The following WDFY3 variants were observed in gnomAD, a reference collection of about 807,000 sequenced individuals.
WDFY3 encodes the protein WD repeat and FYVE domain-containing protein 3.
A neutral mutation model predicts 409.6 loss-of-function variants in WDFY3; 66 were observed. That is an observed-to-expected ratio of 0.16 (90% CI 0.13 to 0.20). WDFY3 has a LOEUF of 0.20. WDFY3 is among the 10% of genes least tolerant of loss of function. WDFY3 has a pLI of 1.00. For missense variants in WDFY3, 3,031 were observed against 4,298.1 expected, an observed-to-expected ratio of 0.71 and a Z score of 8.24; for synonymous variants, 1,521 against 1,537.1, an observed-to-expected ratio of 0.99 and a Z score of 0.25.
At chr4:84,866,057 T>A (rs1307701573) in intron 3 of WDFY3, among the ~76,000 whole-genome samples, 2 of 152,020 alleles carry the variant, frequency 1.3e-5, no homozygotes, top group South Asian at 2.1e-4. Context: ...GGTTACAGAG[T>A]GAGACCCTGT....
At chr4:84,824,874 A>G (rs1754623969) in intron 10 of WDFY3, among the ~76,000 whole-genome samples, 2 of 152,162 alleles carry the variant, frequency 1.3e-5, no homozygotes, top group Admixed American at 1.3e-4. Context: ...GAAAATTTTG[A>G]GTTATACAGG....
At position 84,704,390 on chromosome 4, in the gene WDFY3, G is replaced by A; in HGVS notation, c.8390C>T (p.Ala2797Val). ...AGGCTCCATCCTTACAAGGTATGAG[G>A]CCACAATCATTGCAGATGAATAGTG... ...GTHYSSAMIVASYLVRMEPFT... is the reference protein window; with the variant it reads ...GTHYSSAMIVVSYLVRMEPFT... Residue 2797 changes from alanine to valine, a missense_variant, in exon 55 of 68, where the codon GCC becomes GTC. Around this residue, in one of 16 missense-constraint regions of WDFY3, gnomAD observed 129 missense variants for 305.3 expected, o/e 0.42. Transcript: ENST00000295888. 6.2e-7 allele frequency: 1 copy of A among 1,613,262 alleles called. No individual in the cohort carries two copies. The highest frequency in any genetic ancestry group is 8.5e-7 in the Non-Finnish European group (1 of 1,179,592).
In WDFY3 at chr4:84,808,322, T is replaced by C. The variant is rs1578616733; in HGVS notation, c.2429+12A>G. 6.2e-7 allele frequency: 1 copy of C among 1,608,142 alleles called. No individual in the cohort carries two copies. Among genetic ancestry groups the C allele is most frequent in the African/African-American group, 1.3e-5 (1 of 74,752 alleles). On this transcript the variant is annotated intron_variant, in intron 15 of 67. Transcript: ENST00000295888. ...CACAAATAGAGACTGACTTCTCTTATATGATCAGTACCTTTTCCTGGACAA... is the reference window on the plus strand; with the variant it reads ...CACAAATAGAGACTGACTTCTCTTACATGATCAGTACCTTTTCCTGGACAA...
intron 3 of WDFY3, among the ~76,000 whole-genome samples, chr4:84,871,288 G>A (rs989675032): frequency 1.3e-5 from 2 of 152,158 alleles, no homozygotes; most frequent in Non-Finnish European, 2.9e-5. Flanking sequence ...AAAAATTATA[G>A]TGGGCTTCTC....
chr4:84,765,143 A>C (rs1743407809), intron 32 of WDFY3, among the ~76,000 whole-genome samples: 2 of 152,186 alleles, frequency 1.3e-5, no homozygotes, highest in Non-Finnish European at 2.9e-5. Context: ...TTTGCCTTTA[A>C]ATAAAGACAG....
At chr4:84,675,061 G>A (rs1221361034) in intron 67 of WDFY3, among the ~76,000 whole-genome samples, 1 of 151,592 alleles carries the variant, frequency 6.6e-6, no homozygotes, top group Non-Finnish European at 1.5e-5. Flanking sequence ...ACCTCTGTCT[G>A]CTGGGTTCAA....
chr4:84,688,314 G>C (rs772974158), intron 61 of WDFY3, 49 bp from the exon 62 acceptor site: 1 of 1,569,294 alleles, frequency 6.4e-7, no homozygotes, highest in Non-Finnish European at 8.7e-7. Flanking sequence ...CAGTGACAGG[G>C]TTCCACAGTG....
intron 3 of WDFY3, among the ~76,000 whole-genome samples, chr4:84,870,880 G>A (rs1424455096): frequency 7.2e-6 from 1 of 138,942 alleles, no homozygotes; most frequent in African/African-American, 2.6e-5. Context: ...CATACCAACA[G>A]GGCTCTAAAA....
At chr4:84,689,058 G>A (rs1243865170) in intron 61 of WDFY3, among the ~76,000 whole-genome samples, 1 of 152,202 alleles carries the variant, frequency 6.6e-6, no homozygotes, top group African/African-American at 2.4e-5. Context: ...TAATGAGTTG[G>A]CTTCATCTGC....
intron 36 of WDFY3, among the ~76,000 whole-genome samples, chr4:84,745,410 C>A (rs545176648): frequency 4.6e-5 from 7 of 152,228 alleles, no homozygotes; most frequent in African/African-American, 1.7e-4. Flanking sequence ...GTATTTATGA[C>A]CCTGTTACAA....
chr4:84,869,327 AG>A (rs1761862329), intron 3 of WDFY3, among the ~76,000 whole-genome samples: 2 of 152,282 alleles, frequency 1.3e-5, no homozygotes, highest in South Asian at 4.1e-4. Flanking sequence ...TGTTCAATAG[AG>A]GTGAGACTAT....
At chr4:84,880,645 TAA>T (rs1255538892) in intron 3 of WDFY3, among the ~76,000 whole-genome samples, 1 of 118,298 alleles carries the variant, frequency 8.5e-6, no homozygotes, top group African/African-American at 3.4e-5. Context: ...CTGAAAATAA[TAA>T]AAGTGTTTGT....
chr4:84,798,104 A>G lies in WDFY3; in HGVS notation c.2827T>C (p.Phe943Leu). 1 of 1,610,858 alleles carries G rather than the reference A, an allele frequency of 6.2e-7. No individual in the cohort carries two copies. The highest frequency in any genetic ancestry group is 8.5e-7 in the Non-Finnish European group (1 of 1,178,762). The change falls in exon 18 of 68, where the codon TTT (phenylalanine) becomes CTT (leucine). Residue 943 changes from phenylalanine (F) to leucine (L), a missense_variant. Phe to Leu is a conservative substitution (Grantham distance 22, BLOSUM62 0). This residue lies in a region of WDFY3 where 1,322 missense variants were observed against 1,697.9 expected (regional missense o/e 0.78). Coordinates refer to ENST00000295888, the MANE Select transcript of WDFY3 (RefSeq NM_014991.6). ...QALEPMVLRE[F>L]LRLASPLNCG... is the part of the protein sequence containing the mutation. The stretch of plus-strand genomic sequence containing the variant: ...TTTAAAGGACTTGCCAAACGTAAAA[A>G]CTCCCTAAGAAAGAGACAAAGCAAA...
chr4:84,734,899 G>A (rs1737183606), intron 43 of WDFY3, 144 bp downstream of exon 43: 10 of 671,846 alleles, frequency 1.5e-5, no homozygotes, highest in Middle Eastern at 5.2e-4. Context: ...AGTAGCTGAT[G>A]GCAGGAATAA....
At chr4:84,682,581 T>A (rs186701098) in intron 63 of WDFY3, 111 bp from the exon 64 acceptor site, 2 of 868,816 alleles carry the variant, frequency 2.3e-6, no homozygotes, top group East Asian at 2.7e-5. Flanking sequence ...TTAATTTCCA[T>A]CATGTTATAC....
chr4:84,808,344 A>G lies in WDFY3; in HGVS notation c.2419T>C (p.Ser807Pro). The change falls in exon 15 of 68, where the codon TCC (serine) becomes CCC (proline). Residue 807 changes from serine (S) to proline (P), a missense_variant. Physicochemically the swap from Ser to Pro is moderately conservative, Grantham distance 74 (BLOSUM62 -1). Transcript: ENST00000295888. Reference sequence around the variant, plus strand: ...TTATATGATCAGTACCTTTTCCTGGACAAAGCTGGTGTACCCCAAGGAGAG... The same window carrying G: ...TTATATGATCAGTACCTTTTCCTGGGCAAAGCTGGTGTACCCCAAGGAGAG... ...LPSPWGTPAL[S>P]RKRHAYHSVS... The G allele has an allele frequency of 6.2e-7, 1 of 1,613,794 alleles. No individual in the cohort carries two copies. Among genetic ancestry groups the G allele is most frequent in the East Asian group, 2.2e-5 (1 of 44,860 alleles).
In WDFY3 at chr4:84,681,683, T is replaced by TGTTCCTTTCCAGGAA. The variant is rs535472000; in HGVS notation, c.9823+676_9823+690dup. ...AATCTGAAGGTCAAACTTCAAACCTTGTTCCTTTCCAGGAAGTTCCTTTCC... is the reference window on the plus strand; with the variant it reads ...AATCTGAAGGTCAAACTTCAAACCTTGTTCCTTTCCAGGAAGTTCCTTTCCAGGAAGTTCCTTTCC... On this transcript the variant is annotated intron_variant, in intron 64 of 67. Coordinates refer to ENST00000295888, the MANE Select transcript of WDFY3 (RefSeq NM_014991.6). Among the ~76,000 whole-genome samples, 596 of 152,262 alleles carry TGTTCCTTTCCAGGAA rather than the reference T, an allele frequency of 3.9e-3. 2 individuals carry two copies. The highest frequency in any genetic ancestry group is 6.0e-3 in the Admixed American group (92 of 15,296).
Position 84,966,647 on chromosome 4 carries a change from A to ATCCTCC in WDFY3, c.-670_-665dup, listed in dbSNP as rs967854556. ...CCGCAGCTGTTGGTGGCCATCTTTA[A>ATCCTCC]TCCTCCTCCTCCTCCTGCTTTCTCC... On this transcript the variant is annotated 5_prime_UTR_variant, in exon 1 of 68. Transcript: ENST00000295888. The ATCCTCC allele has an allele frequency of 1.3e-5, 2 of 155,390 alleles. No individual in the cohort carries two copies. The highest frequency in any genetic ancestry group is 1.4e-5 in the Non-Finnish European group (1 of 69,908). The allele number at this position is 155,390 out of a possible 1,614,324, so 9.6% of individuals were successfully genotyped here. A position where few individuals can be genotyped will look rare whatever the true frequency, so the allele number is the denominator to read the frequency against.
At chr4:84,766,557 T>C (rs1177078093) in intron 30 of WDFY3, among the ~76,000 whole-genome samples, 185 bp from the exon 31 acceptor site, 1 of 152,190 alleles carries the variant, frequency 6.6e-6, no homozygotes, top group Non-Finnish European at 1.5e-5. Context: ...CTCCGAAAAT[T>C]GTTCATTTAC....
Sources: gnomAD v4.1 joint callset for allele counts (sites outside exome capture counted in the v4.1 genomes callset) on GRCh38, gnomAD v4.1.1 for gene constraint, gnomAD v4.1.1 regional missense constraint, MANE v1.5 for transcripts, NCBI Gene and HGNC (gene_info 2026-07-23, HGNC 2026-07-21) for gene names.